Variants in GLI4 observed in about 807,000 individuals in gnomAD.
GLI4 encodes the protein zinc finger protein GLI4.
GLI4 carries 34 observed loss-of-function variants against 30.9 expected under a neutral mutation model. The observed-to-expected ratio is 1.10, with a 90% CI of 0.84 to 1.47. The LOEUF (loss-of-function observed/expected upper bound fraction) is 1.47, where lower values mean the gene tolerates loss of function less well. Ranked by LOEUF, GLI4 falls within the 40% of genes most tolerant of loss-of-function variation. The probability of loss-of-function intolerance (pLI) is 0.00; values close to 1 mark genes in which losing one functional copy is unlikely to be tolerated. For missense variants in GLI4, 696 were observed against 538.9 expected (o/e 1.29, Z -2.89); for synonymous variants, 277 against 236.7 (o/e 1.17, Z -1.56).
chr8:143,274,782 G>T lies in GLI4; in HGVS notation c.203G>T (p.Gly68Val). 6.4e-7 allele frequency: 1 copy of T among 1,566,506 alleles called. No individual in the cohort carries two copies. Residue 68 changes from glycine (G) to valine (V), a missense_variant, in exon 3 of 4, where the codon GGC becomes GTC. Physicochemically the swap from Gly to Val is moderately radical, Grantham distance 109. Coordinates refer to ENST00000340042, the MANE Select transcript of GLI4 (RefSeq NM_138465.4). ...DLQDVEEVEI[G>V]RDTFWPDSEP... ...CAAGACGTAGAGGAAGTGGAGATCG[G>T]CAGAGACACCTTCTGGCCCGGTGAG...
At position 143,272,392 on chromosome 8, in the gene GLI4, C is replaced by A. The variant is rs1177087272; in HGVS notation, c.125-2312C>A. 3 of 152,390 alleles carry A rather than the reference C, an allele frequency of 2.0e-5. No homozygotes were observed. The East Asian group carries it at 5.8e-4, about 29-fold the overall frequency. 9.4% of individuals were successfully genotyped at this position (152,390 alleles called of 1,614,324 possible). A position where few individuals can be genotyped will look rare whatever the true frequency, so the allele number is the denominator to read the frequency against. ...TGCCATTTAATACACAAAGGCCCTT[C>A]CAGCCAGGAAAGCACCCACCTGCCG... On this transcript the variant is annotated intron_variant, in intron 2 of 3. Coordinates refer to ENST00000340042, the MANE Select transcript of GLI4 (RefSeq NM_138465.4).
chr8:143,269,046 A>G (rs1815207402), intron 1 of GLI4, among the ~76,000 whole-genome samples: 2 of 152,142 alleles, frequency 1.3e-5, no homozygotes, highest in Admixed American at 1.3e-4. Context: ...GTTTCACCAT[A>G]TTAGACAGGC....
At chr8:143,268,402 T>C (rs1050731992) in intron 1 of GLI4, among the ~76,000 whole-genome samples, 4 of 152,260 alleles carry the variant, frequency 2.6e-5, no homozygotes, top group Non-Finnish European at 4.4e-5. Flanking sequence ...ACTTTTCACA[T>C]TGGACTCAAG....
At chr8:143,271,241 C>T (rs1815261339) in intron 2 of GLI4, among the ~76,000 whole-genome samples, 1 of 152,088 alleles carries the variant, frequency 6.6e-6, no homozygotes, top group South Asian at 2.1e-4. Flanking sequence ...CTGCTTTCCC[C>T]CAGCAAGAGA....
Position 143,275,145 on chromosome 8 carries a change from C to T in GLI4, c.223+343C>T. 4 of 1,535,758 alleles carry T rather than the reference C, an allele frequency of 2.6e-6. No homozygotes were observed. The African/African-American group carries it at 4.1e-5, about 16-fold the overall frequency. ...TTCTGGCTCAGGGCACCACTGTCCC[C>T]CCAGATCCACGAGTTATCCTGTGTC... On this transcript the variant is annotated intron_variant, in intron 3 of 3. Transcript: ENST00000340042.
chr8:143,270,117 G>T (rs1453036554), intron 2 of GLI4, among the ~76,000 whole-genome samples: 1 of 152,250 alleles, frequency 6.6e-6, no homozygotes, highest in African/African-American at 2.4e-5. Context: ...GCCTGGCCTC[G>T]GCCCTCGTGG....
chr8:143,271,052 C>A (rs1315148236), intron 2 of GLI4, among the ~76,000 whole-genome samples: 1 of 152,214 alleles, frequency 6.6e-6, no homozygotes, highest in Non-Finnish European at 1.5e-5. Context: ...TCCCCAGCCC[C>A]ACAGGCCTGG....
chr8:143,274,381 A>G, intron 2 of GLI4: 1 of 212,342 alleles, frequency 4.7e-6, no homozygotes, highest in Non-Finnish European at 9.4e-6. Flanking sequence ...GGTGGGCCAC[A>G]GCCCACCAAG....
chr8:143,268,474 T>A (rs565558276), intron 1 of GLI4, among the ~76,000 whole-genome samples: 1 of 152,354 alleles, frequency 6.6e-6, no homozygotes, highest in East Asian at 1.9e-4. Context: ...CCAGTGCTGC[T>A]GCAGGGCTGG....
intron 3 of GLI4, chr8:143,275,043 G>A (rs3817675): frequency 4.6e-6 from 7 of 1,530,894 alleles, no homozygotes; most frequent in Middle Eastern, 3.4e-4. Flanking sequence ...GTGGCCCCAC[G>A]TGGACTCCTG....
Position 143,276,318 on chromosome 8 carries a change from G to A in GLI4, c.645G>A (p.Glu215=), listed in dbSNP as rs772872653. 6.2e-7 allele frequency: 1 copy of A among 1,605,762 alleles called. No individual in the cohort carries two copies. The highest frequency in any genetic ancestry group is 1.1e-5 in the South Asian group (1 of 90,520). Residue 215 remains glutamate (E), a synonymous_variant, in exon 4 of 4, where the codon GAG becomes GAA. Transcript: ENST00000340042. ...HTGEKPYACH[E]CGKRFRGWSG... ...GCGAGAAGCCCTACGCCTGCCACGA[G>A]TGCGGCAAGCGCTTCCGCGGCTGGT...
intron 2 of GLI4, among the ~76,000 whole-genome samples, chr8:143,274,287 A>G (rs1815335368): frequency 6.6e-6 from 1 of 152,152 alleles, no homozygotes; most frequent in South Asian, 2.1e-4. Context: ...AGGCTTTGTG[A>G]GGTACGGGTG....
intron 3 of GLI4, 94 bp downstream of exon 3, chr8:143,274,896 ACCAC>A (rs1815350949): frequency 1.3e-6 from 2 of 1,491,740 alleles, no homozygotes; most frequent in Admixed American, 4.1e-5. Context: ...CAATGCTGGC[ACCAC>A]CCCCTTCCTG....
chr8:143,276,692 G>A lies in GLI4; in HGVS notation c.1019G>A (p.Arg340Gln), dbSNP rs550849119. The change falls in exon 4 of 4, where the codon CGG becomes CAG. Residue 340 changes from arginine to glutamine, a missense_variant. By Grantham distance (43) the Arg-to-Gln change is conservative. Coordinates refer to ENST00000340042, the MANE Select transcript of GLI4 (RefSeq NM_138465.4). ...TTCCGCGGCCGCTCGCACTTCTTCC[G>A]GCACCTGCGGACCCACACGGGCGAG... ...KAFRGRSHFF[R>Q]HLRTHTGEKP... is the part of the protein sequence containing the mutation. 2.7e-5 allele frequency: 43 copies of A among 1,607,650 alleles called. No individual in the cohort carries two copies. In the South Asian group the frequency reaches 4.0e-4, roughly 15 times the overall value.
At position 143,276,593 on chromosome 8, in the gene GLI4, G is replaced by T; in HGVS notation, c.920G>T (p.Ser307Ile). Residue 307 changes from serine (S) to isoleucine (I), a missense_variant, in exon 4 of 4, where the codon AGC becomes ATC. Coordinates refer to ENST00000340042, the MANE Select transcript of GLI4 (RefSeq NM_138465.4). Reference sequence around the variant, plus strand: ...CAGTGCGGCAAGGCCTTCATCTGGAGCTCCGTGCTCATCGAGCACCAGCGC... The same window carrying T: ...CAGTGCGGCAAGGCCTTCATCTGGATCTCCGTGCTCATCGAGCACCAGCGC... ...CSQCGKAFIWSSVLIEHQRIH... is the reference protein window; with the variant it reads ...CSQCGKAFIWISVLIEHQRIH... 6.2e-7 allele frequency: 1 copy of T among 1,611,544 alleles called. No homozygotes were observed. Among genetic ancestry groups the T allele is most frequent in the Non-Finnish European group, 8.5e-7 (1 of 1,179,352 alleles).
Position 143,276,106 on chromosome 8 carries a change from G to A in GLI4, c.433G>A (p.Val145Met). 2 of 1,446,140 alleles carry A rather than the reference G, an allele frequency of 1.4e-6. No individual in the cohort carries two copies. Among genetic ancestry groups the A allele is most frequent in the South Asian group, 1.5e-5 (1 of 67,982 alleles). The allele number at this position is 1,446,140 out of a possible 1,614,324, so 89.6% of individuals were successfully genotyped here. A position where few individuals can be genotyped will look rare whatever the true frequency, so the allele number is the denominator to read the frequency against. ...CGCCCAGCCGCGGGGCGCCTGGCGC[G>A]TGACGCTCGTGCAGCAAGCAGCGGC... ...PCAQPRGAWR[V>M]TLVQQAAAGP... The change falls in exon 4 of 4, where the codon GTG (valine) becomes ATG (methionine). Residue 145 changes from valine to methionine, a missense_variant. Transcript: ENST00000340042.
In GLI4 at chr8:143,276,250, A is replaced by G; in HGVS notation, c.577A>G (p.Lys193Glu). 1.9e-6 allele frequency: 3 copies of G among 1,610,446 alleles called. No individual in the cohort carries two copies. The South Asian group carries it at 3.3e-5, about 18-fold the overall frequency. Residue 193 changes from lysine (K) to glutamate (E), a missense_variant, in exon 4 of 4, where the codon AAG (lysine) becomes GAG (glutamate). Transcript: ENST00000340042. ...HRCEACGKSFKYNSLLLKHQR... is the reference protein window; with the variant it reads ...HRCEACGKSFEYNSLLLKHQR... ...GTGCGAGGCCTGCGGCAAGAGTTTC[A>G]AGTATAACTCGCTGCTCCTGAAGCA...
Position 143,269,483 on chromosome 8 carries a change from C to G in GLI4, c.87C>G (p.His29Gln), listed in dbSNP as rs772725486. The G allele has an allele frequency of 8.7e-6, 14 of 1,612,984 alleles. No homozygotes were observed. Among genetic ancestry groups the G allele is most frequent in the Middle Eastern group, 1.7e-4 (1 of 6,060 alleles). ...CACCGGGGACACCTGGAACCCAGCA[C>G]CACGAGCCTCAGCTTCACCTCCATG... ...LSSPGTPGTQHHEPQLHLHGH... is the reference protein window; with the variant it reads ...LSSPGTPGTQQHEPQLHLHGH... The change falls in exon 2 of 4, where the codon CAC becomes CAG. Residue 29 changes from histidine (H) to glutamine (Q), a missense_variant. Transcript: ENST00000340042.
At chr8:143,270,063 T>A (rs1368811330) in intron 2 of GLI4, among the ~76,000 whole-genome samples, 1 of 152,170 alleles carries the variant, frequency 6.6e-6, no homozygotes, top group Non-Finnish European at 1.5e-5. Flanking sequence ...CTCTCAGAGG[T>A]CAGGGATCCT....
Sources: allele counts gnomAD v4.1 joint callset (sites outside exome capture counted in the v4.1 genomes callset), GRCh38; gene constraint gnomAD v4.1.1; transcripts MANE v1.5; gene names NCBI Gene and HGNC (gene_info 2026-07-23, HGNC 2026-07-21).